The following TTC34 variants were observed in gnomAD, a reference collection of about 807,000 sequenced individuals.
TTC34 encodes the protein tetratricopeptide repeat protein 34.
A neutral mutation model predicts 40.7 loss-of-function variants in TTC34; 44 were observed. That is an observed-to-expected ratio of 1.08 (90% confidence interval 0.85 to 1.39). The LOEUF is 1.39. Ranked by LOEUF, TTC34 falls within the 40% of genes most tolerant of loss-of-function variation. TTC34 has a pLI of 0.00. For missense variants in TTC34, 884 were observed against 838.0 expected (o/e 1.05, Z -0.68); for synonymous variants, 422 against 398.6 (o/e 1.06, Z -0.70).
chr1:2,785,948 G>A (rs746727647), exon 5 of TTC34: 128 of 1,523,086 alleles, frequency 8.4e-5, no homozygotes, highest in East Asian at 1.0e-4. Context: ...AGCAGCTGCC[G>A]GTCCTCGTGG....
At chr1:2,641,855 T>G (rs1220376245) in exon 9 of TTC34, 1 of 1,515,364 alleles carries the variant, frequency 6.6e-7, no homozygotes. Flanking sequence ...CTGCCTGGGT[T>G]GCCCTGCGTC....
Position 2,645,264 on chromosome 1 carries a change from G to A in TTC34, c.2497+29C>T, listed in dbSNP as rs935281347. The A allele has an allele frequency of 6.3e-5, 91 of 1,440,150 alleles. No homozygotes were observed. Among genetic ancestry groups the A allele is most frequent in the Middle Eastern group, 1.8e-4 (1 of 5,562 alleles). The allele number at this position is 1,440,150 out of a possible 1,614,324, so 89.2% of individuals were successfully genotyped here. A position where few individuals can be genotyped will look rare whatever the true frequency, so the allele number is the denominator to read the frequency against. On this transcript the variant is annotated intron_variant, in intron 7 of 8. Transcript: ENST00000401095. The surrounding 1 kb of genome is among the most constrained non-coding windows in gnomAD (Gnocchi z 4.7). The stretch of plus-strand genomic sequence containing the variant: ...GAGCGGGGACAGAAGCCCAGACCCC[G>A]TGTTTCCCACCTTGGGGCCGCCGCA...
rs575007693 is a variant in TTC34 at position 2,645,499 on chromosome 1, C to T, written c.2291G>A (p.Arg764His). 1.1e-4 allele frequency: 159 copies of T among 1,437,868 alleles called. No individual in the cohort carries two copies. Among genetic ancestry groups the T allele is most frequent in the Middle Eastern group, 8.3e-4 (4 of 4,826 alleles). 89.1% of individuals were successfully genotyped at this position (1,437,868 alleles called of 1,614,324 possible). Residue 764 changes from arginine to histidine, a missense_variant, in exon 7 of 9, where the codon CGC becomes CAC. Physicochemically the swap from Arg to His is conservative, Grantham distance 29. Transcript: ENST00000401095. This position sits in a 1 kb window ranked among gnomAD's most constrained non-coding sequence, Gnocchi z 4.7. ...GGCCTGGGCTTCCGGCTTCAGAGAG[C>T]GGAGCTCAGGGACCACAGTCCCGGG...
chr1:2,768,505 G>C (rs570967571), intron 6 of TTC34, among the ~76,000 whole-genome samples: 98 of 151,394 alleles, frequency 6.5e-4, no homozygotes, highest in African/African-American at 2.1e-3. Flanking sequence ...CCGCCCTCAG[G>C]TGAGTGTCTG....
At chr1:2,754,699 C>T (rs1430226211) in intron 6 of TTC34, among the ~76,000 whole-genome samples, 3 of 127,450 alleles carry the variant, frequency 2.4e-5, no homozygotes, top group Admixed American at 7.8e-5. Flanking sequence ...GCACCCACAC[C>T]TCCAGGCGAG....
At chr1:2,676,763 A>AC (rs1409500204) in intron 6 of TTC34, among the ~76,000 whole-genome samples, 1 of 8,534 alleles carries the variant, frequency 1.2e-4, no homozygotes. Context: ...AGCAGAACCC[A>AC]CACCAACAGG....
intron 6 of TTC34, among the ~76,000 whole-genome samples, chr1:2,772,933 C>T (rs553131237): frequency 3.0e-5 from 4 of 133,270 alleles, no homozygotes; most frequent in African/African-American, 1.1e-4. Context: ...GAACAGCACC[C>T]ATACCCCCAG....
chr1:2,688,255 GGGAGCA>G (rs1640461818), intron 6 of TTC34, among the ~76,000 whole-genome samples: 2 of 140,434 alleles, frequency 1.4e-5, no homozygotes, highest in African/African-American at 5.8e-5. Flanking sequence ...ACACCCCCAG[GGGAGCA>G]TGTGACAGCC....
intron 6 of TTC34, among the ~76,000 whole-genome samples, chr1:2,767,954 G>A (rs1641831363): frequency 6.6e-6 from 1 of 150,432 alleles, no homozygotes; most frequent in Admixed American, 6.6e-5. Flanking sequence ...CGATGGCATG[G>A]AACAGCACCC....
chr1:2,787,681 C>T (rs1313614744), exon 4 of TTC34: 1 of 1,547,186 alleles, frequency 6.5e-7, no homozygotes, highest in Non-Finnish European at 8.7e-7. Flanking sequence ...AGCAGTGTGG[C>T]CAGCTGGTGC....
intron 6 of TTC34, among the ~76,000 whole-genome samples, chr1:2,779,958 C>T (rs1207333992): frequency 6.6e-6 from 1 of 152,006 alleles, no homozygotes; most frequent in African/African-American, 2.4e-5. Flanking sequence ...TATAAAAATA[C>T]AAAAAATTAG....
chr1:2,749,388 G>C (rs1326753943), intron 6 of TTC34, among the ~76,000 whole-genome samples: 223 of 16,914 alleles, frequency 0.013, 1 homozygote, highest in Admixed American at 0.015. Flanking sequence ...TGACAGCCTG[G>C]AACAGCACCC....
intron 6 of TTC34, among the ~76,000 whole-genome samples, chr1:2,749,532 A>G (rs1335032886): frequency 1.3e-3 from 20 of 15,434 alleles, no homozygotes; most frequent in East Asian, 2.2e-3. Flanking sequence ...ATTCCCAGGC[A>G]AGCATCTGAA....
At chr1:2,751,446 C>G (rs1431112727) in intron 6 of TTC34, among the ~76,000 whole-genome samples, 3 of 39,408 alleles carry the variant, frequency 7.6e-5, no homozygotes, top group Non-Finnish European at 1.4e-4. Context: ...AGAGCCCAGA[C>G]CCCCAGGTGA....
chr1:2,683,441 G>A (rs896431864), intron 6 of TTC34, among the ~76,000 whole-genome samples: 1 of 149,228 alleles, frequency 6.7e-6, no homozygotes, highest in Admixed American at 6.7e-5. Flanking sequence ...ACCCCCAGGT[G>A]AGCATCCGAC....
At chr1:2,699,505 A>C (rs1202228822) in intron 6 of TTC34, among the ~76,000 whole-genome samples, 96 of 22,968 alleles carry the variant, frequency 4.2e-3, no homozygotes, top group East Asian at 9.7e-3. Context: ...CCCAGGCGAG[A>C]ATCTGACAGC....
At chr1:2,651,834 G>T (rs564743132) in intron 6 of TTC34, among the ~76,000 whole-genome samples, 1 of 151,340 alleles carries the variant, frequency 6.6e-6, no homozygotes, top group East Asian at 2.0e-4. Context: ...AGCCTGGAAC[G>T]GTACCACCAA....
rs1302782086 is a variant in TTC34 at position 2,747,920 on chromosome 1, C to A, written c.2226+35689G>T. 2.0e-4 allele frequency among the ~76,000 whole-genome samples: 17 copies of A among 84,140 alleles called. 3 individuals are homozygous for A. Among genetic ancestry groups the A allele is most frequent in the African/African-American group, 3.6e-4 (4 of 11,024 alleles). The allele number at this position is 84,140 out of a possible 152,430, so 55.2% of individuals were successfully genotyped here. A position where few individuals can be genotyped will look rare whatever the true frequency, so the allele number is the denominator to read the frequency against. On this transcript the variant is annotated intron_variant, in intron 6 of 8. Transcript: ENST00000401095. ...GACTGCCTGGAACAGCACCCACACC[C>A]CAAGGTGAGCATCTGACATCGTGGA...
At position 2,797,021 on chromosome 1, in the gene TTC34, G is replaced by A. The variant is rs190985447; in HGVS notation, c.784+3023C>T. Among the ~76,000 whole-genome samples, 37 of 152,138 alleles carry A rather than the reference G, an allele frequency of 2.4e-4. 1 individual carries two copies. In the East Asian group the frequency reaches 5.4e-3, roughly 22 times the overall value. ...CCCCCTTCTCTTCTGGCCCTGATCC[G>A]TCACCCCACGGGCTCCGAATTTTCT... On this transcript the variant is annotated intron_variant, in intron 2 of 8. Coordinates refer to ENST00000401095, the Ensembl canonical transcript of TTC34.
Sources: allele counts gnomAD v4.1 joint callset (sites outside exome capture counted in the v4.1 genomes callset), GRCh38; gene constraint gnomAD v4.1.1; non-coding constraint Gnocchi (gnomAD v3.1); transcripts MANE v1.5; gene names NCBI Gene and HGNC (gene_info 2026-07-23, HGNC 2026-07-21).